The following NKAIN2 variants were observed in gnomAD, a reference collection of about 807,000 sequenced individuals.
The protein encoded by NKAIN2 is sodium/potassium transporting ATPase interacting 2, also known as sodium/potassium-transporting ATPase subunit beta-1-interacting protein 2.
In NKAIN2, 14 loss-of-function variants were observed where a neutral mutation model predicts 32.6. The observed-to-expected ratio is 0.43, with a 90% CI of 0.28 to 0.67. The LOEUF is 0.67. Ranked by LOEUF, NKAIN2 falls within the 30% of genes least tolerant of loss-of-function variation. The pLI is 0.17. For missense variants in NKAIN2, 198 were observed against 258.3 expected, an observed-to-expected ratio of 0.77 and a Z score of 1.60; for synonymous variants, 80 against 87.2, an observed-to-expected ratio of 0.92 and a Z score of 0.46.
At chr6:123,902,419 A>G (rs745972900) in intron 1 of NKAIN2, among the ~76,000 whole-genome samples, 1 of 152,122 alleles carries the variant, frequency 6.6e-6, no homozygotes, top group Non-Finnish European at 1.5e-5. Flanking sequence ...AAATTCCTAC[A>G]TCTAGTGTGA....
At chr6:124,695,394 A>G (rs985041232) in intron 4 of NKAIN2, among the ~76,000 whole-genome samples, 1 of 152,228 alleles carries the variant, frequency 6.6e-6, no homozygotes, top group Admixed American at 6.5e-5. Flanking sequence ...TATTCTTACC[A>G]GGACAATAGC....
At position 124,712,308 on chromosome 6, in the gene NKAIN2, G is replaced by GAGGC. The variant is rs1452187817; in HGVS notation, c.474+53931_474+53934dup. ...CCTGCCCCCAGAGGTGGAGCCTACA[G>GAGGC]AGGCAGGCAGGCCTCCTTGAGCTGT... On this transcript the variant is annotated intron_variant, in intron 4 of 6. Coordinates refer to ENST00000368417, the MANE Select transcript of NKAIN2 (RefSeq NM_001040214.3). 4.2e-5 allele frequency among the ~76,000 whole-genome samples: 5 copies of GAGGC among 120,212 alleles called. 1 individual carries two copies. 78.9% of individuals were successfully genotyped at this position (120,212 alleles called of 152,430 possible).
chr6:123,859,764 C>T (rs916604999), intron 1 of NKAIN2, among the ~76,000 whole-genome samples: 4 of 152,202 alleles, frequency 2.6e-5, no homozygotes, highest in African/African-American at 9.6e-5. Flanking sequence ...GATCTTGGCT[C>T]ATTGCAACCT....
chr6:124,026,476 T>C (rs1781116164), intron 1 of NKAIN2, among the ~76,000 whole-genome samples: 2 of 152,200 alleles, frequency 1.3e-5, no homozygotes, highest in Non-Finnish European at 2.9e-5. Context: ...AGCTATAATA[T>C]TTACTAGCTA....
intron 1 of NKAIN2, among the ~76,000 whole-genome samples, chr6:124,227,406 C>T (rs1286844686): frequency 1.3e-5 from 2 of 152,178 alleles, no homozygotes; most frequent in South Asian, 2.1e-4. Flanking sequence ...TTGGCATTTA[C>T]ACTCACGCGT....
intron 1 of NKAIN2, among the ~76,000 whole-genome samples, chr6:123,949,541 G>A (rs903783485): frequency 2.0e-5 from 3 of 151,740 alleles, no homozygotes; most frequent in Non-Finnish European, 4.4e-5. Context: ...TTATTCCTAC[G>A]TATTTGGTTC....
intron 4 of NKAIN2, among the ~76,000 whole-genome samples, chr6:124,772,636 G>A (rs1778809864): frequency 6.6e-6 from 1 of 152,150 alleles, no homozygotes; most frequent in Non-Finnish European, 1.5e-5. Context: ...ATTAAATACT[G>A]TTCTCACTAA....
intron 4 of NKAIN2, among the ~76,000 whole-genome samples, chr6:124,673,628 CG>C (rs1562317409): frequency 6.6e-6 from 1 of 151,920 alleles, no homozygotes; most frequent in East Asian, 1.9e-4. Context: ...TTGTATTTCC[CG>C]GATGATTAGT....
intron 3 of NKAIN2, among the ~76,000 whole-genome samples, chr6:124,460,847 A>C (rs1405420342): frequency 6.6e-6 from 1 of 151,516 alleles, no homozygotes; most frequent in East Asian, 1.9e-4. Context: ...GGAATATTTT[A>C]TTAAATGTAT....
intron 1 of NKAIN2, among the ~76,000 whole-genome samples, chr6:124,154,244 A>G (rs891623558): frequency 6.6e-6 from 1 of 151,874 alleles, no homozygotes; most frequent in Admixed American, 6.6e-5. Flanking sequence ...TTGATGATAA[A>G]TATGAATACT....
chr6:124,151,217 T>C (rs1467640149), intron 1 of NKAIN2, among the ~76,000 whole-genome samples: 3 of 151,936 alleles, frequency 2.0e-5, no homozygotes, highest in Non-Finnish European at 4.4e-5. Flanking sequence ...GATATACAAT[T>C]CATACATATT....
intron 1 of NKAIN2, among the ~76,000 whole-genome samples, chr6:123,808,111 A>G (rs1056678244): frequency 6.6e-6 from 1 of 152,156 alleles, no homozygotes; most frequent in African/African-American, 2.4e-5. Context: ...ATCATGTGCT[A>G]TTTTATTACT....
At chr6:124,816,510 G>A (rs1042517305) in intron 5 of NKAIN2, among the ~76,000 whole-genome samples, 4 of 152,136 alleles carry the variant, frequency 2.6e-5, no homozygotes, top group Non-Finnish European at 5.9e-5. Context: ...AGTGGAGGAT[G>A]TTGTGTTTGT....
At chr6:124,311,865 G>A (rs1796732319) in intron 2 of NKAIN2, among the ~76,000 whole-genome samples, 1 of 152,026 alleles carries the variant, frequency 6.6e-6, no homozygotes, top group African/African-American at 2.4e-5. Context: ...AGCTTTCAAA[G>A]GTTAAACGTA....
intron 1 of NKAIN2, among the ~76,000 whole-genome samples, chr6:124,013,038 A>T (rs1231152883): frequency 6.6e-6 from 1 of 152,204 alleles, no homozygotes; most frequent in Non-Finnish European, 1.5e-5. Flanking sequence ...ATAGGTATTA[A>T]TAGGTACCTT....
At chr6:124,115,321 A>G (rs1785559255) in intron 1 of NKAIN2, among the ~76,000 whole-genome samples, 1 of 152,152 alleles carries the variant, frequency 6.6e-6, no homozygotes, top group African/African-American at 2.4e-5. Flanking sequence ...AACCAAAGTA[A>G]GAAAGGCTGC....
intron 3 of NKAIN2, among the ~76,000 whole-genome samples, chr6:124,394,509 T>TAGATAGATA (rs1562152716): frequency 8.9e-5 from 9 of 101,566 alleles, no homozygotes; most frequent in Non-Finnish European, 2.0e-4. Flanking sequence ...ATAGATAGAT[T>TAGATAGATA]AGATAGATAC....
At chr6:124,717,712 A>G (rs1469750354) in intron 4 of NKAIN2, among the ~76,000 whole-genome samples, 1 of 152,166 alleles carries the variant, frequency 6.6e-6, no homozygotes, top group South Asian at 2.1e-4. Context: ...ATTGTATTAA[A>G]AAACAAATCT....
chr6:124,192,713 T>G (rs907832879), intron 1 of NKAIN2, among the ~76,000 whole-genome samples: 5 of 151,588 alleles, frequency 3.3e-5, no homozygotes, highest in African/African-American at 9.7e-5. Flanking sequence ...AATTGTGGTG[T>G]TGTCTATTTC....
Sources: allele counts gnomAD v4.1 joint callset (sites outside exome capture counted in the v4.1 genomes callset), GRCh38; gene constraint gnomAD v4.1.1; transcripts MANE v1.5; gene names NCBI Gene and HGNC (gene_info 2026-07-23, HGNC 2026-07-21).